The following HEPHL1 variants were observed in gnomAD, a reference collection of about 807,000 sequenced individuals.
HEPHL1 encodes ferroxidase HEPHL1.
In HEPHL1, 123 loss-of-function variants were observed where a neutral mutation model predicts 122.0. The ratio of observed to expected loss-of-function variants is 1.01; its 90% CI spans 0.87 to 1.17. HEPHL1 has a LOEUF of 1.17. Ranked by LOEUF, HEPHL1 falls within the 50% of genes most tolerant of loss-of-function variation. The pLI is 0.00. For synonymous variants in HEPHL1, 527 were observed against 508.9 expected (o/e 1.04, Z -0.48); for missense variants, 1,452 against 1,430.5 (o/e 1.01, Z -0.24).
At chr11:94,104,455 A>G in intron 15 of HEPHL1, 73 bp from the exon 16 acceptor site, 1 of 1,033,628 alleles carries the variant, frequency 9.7e-7, no homozygotes, top group Non-Finnish European at 1.5e-6. Flanking sequence ...CTACACTAGA[A>G]TGGTGGCAGG....
intron 15 of HEPHL1, among the ~76,000 whole-genome samples, chr11:94,103,683 C>T (rs774588544): frequency 1.8e-4 from 28 of 152,180 alleles, no homozygotes; most frequent in Admixed American, 2.0e-4. Context: ...AACCAAAGTC[C>T]AATCTAAAGT....
intron 2 of HEPHL1, chr11:94,055,496 G>GTGGC: frequency 4.2e-6 from 1 of 237,338 alleles, no homozygotes; most frequent in Admixed American, 5.0e-5. Flanking sequence ...GAGCTCAAAG[G>GTGGC]TGGCTGCTTG....
intron 2 of HEPHL1, among the ~76,000 whole-genome samples, chr11:94,050,583 A>G (rs1306680577): frequency 6.6e-6 from 1 of 152,112 alleles, no homozygotes; most frequent in Non-Finnish European, 1.5e-5. Flanking sequence ...AGATATTTTG[A>G]TACAAGCATG....
chr11:94,069,841 T>C (rs1204319839), intron 5 of HEPHL1, among the ~76,000 whole-genome samples: 2 of 152,198 alleles, frequency 1.3e-5, no homozygotes, highest in Non-Finnish European at 2.9e-5. Flanking sequence ...TCAAAGAGTA[T>C]GATTTTTTTA....
intron 1 of HEPHL1, among the ~76,000 whole-genome samples, chr11:94,026,393 A>G (rs186858920): frequency 1.3e-5 from 2 of 152,202 alleles, no homozygotes; most frequent in East Asian, 3.9e-4. Flanking sequence ...GATAGAATTT[A>G]CCTCTGACAC....
At chr11:94,036,406 C>T (rs1945723663) in intron 1 of HEPHL1, among the ~76,000 whole-genome samples, 4 of 152,142 alleles carry the variant, frequency 2.6e-5, no homozygotes, top group East Asian at 1.9e-4. Context: ...CAAAGAGGAT[C>T]GCTGTGCCCT....
At position 94,101,317 on chromosome 11, in the gene HEPHL1, G is replaced by A; in HGVS notation, c.2557G>A (p.Val853Met). 1 of 1,613,252 alleles carries A rather than the reference G, an allele frequency of 6.2e-7. No homozygotes were observed. The highest frequency in any genetic ancestry group is 8.5e-7 in the Non-Finnish European group (1 of 1,179,516). Residue 853 changes from valine (V) to methionine (M), a missense_variant, in exon 14 of 20, where the codon GTG becomes ATG. Coordinates refer to ENST00000315765, the MANE Select transcript of HEPHL1 (RefSeq NM_001098672.2). The part of the protein sequence containing the change: ...EEMDSGKQFQ[V>M]PMTKPGEVKT... ...GATGGATAGTGGAAAGCAATTCCAA[G>A]TGCCCATGACAAAACCAGGTAAGTT...
At chr11:94,028,909 T>A (rs1202338940) in intron 1 of HEPHL1, among the ~76,000 whole-genome samples, 1 of 152,182 alleles carries the variant, frequency 6.6e-6, no homozygotes, top group East Asian at 1.9e-4. Flanking sequence ...ATGTTCTCAA[T>A]GGGTGGTTTG....
intron 9 of HEPHL1, among the ~76,000 whole-genome samples, chr11:94,081,313 A>G (rs912751762): frequency 1.3e-5 from 2 of 152,156 alleles, no homozygotes; most frequent in African/African-American, 4.8e-5. Flanking sequence ...TGGAGGGAGG[A>G]AGAGCATCAA....
At position 94,102,994 on chromosome 11, in the gene HEPHL1, T is replaced by C; in HGVS notation, c.2656T>C (p.Tyr886His). ...TGATCCCAATTGTATTCCATGGGTT[T>C]ACTATTCAACAGTAAACTTTGTGAA... ...PSDPNCIPWVYYSTVNFVKDT... is the reference protein window; with the variant it reads ...PSDPNCIPWVHYSTVNFVKDT... The change falls in exon 15 of 20, where the codon TAC becomes CAC. Residue 886 changes from tyrosine to histidine, a missense_variant. Physicochemically the swap from Tyr to His is moderately conservative, Grantham distance 83 (BLOSUM62 2). Coordinates refer to ENST00000315765, the MANE Select transcript of HEPHL1 (RefSeq NM_001098672.2). 6.2e-7 allele frequency: 1 copy of C among 1,604,528 alleles called. No homozygotes were observed. The highest frequency in any genetic ancestry group is 8.5e-7 in the Non-Finnish European group (1 of 1,171,330).
rs116777228 is a variant in HEPHL1, at chr11:94,050,999, T to C, written c.415+5082T>C. ...ATTGTTGCAAATTCTTTCTTGTGGCTGAATAGTACTCCATTGTGTATATGT... is the reference window on the plus strand; with the variant it reads ...ATTGTTGCAAATTCTTTCTTGTGGCCGAATAGTACTCCATTGTGTATATGT... On this transcript the variant is annotated intron_variant, in intron 2 of 19. Transcript: ENST00000315765. Among the ~76,000 whole-genome samples, 787 of 152,292 alleles carry C rather than the reference T, an allele frequency of 5.2e-3. 8 individuals are homozygous for C. The highest frequency in any genetic ancestry group is 0.018 in the African/African-American group (728 of 41,552).
intron 6 of HEPHL1, among the ~76,000 whole-genome samples, chr11:94,072,586 A>G (rs984333353): frequency 6.6e-6 from 1 of 152,096 alleles, no homozygotes; most frequent in Non-Finnish European, 1.5e-5. Flanking sequence ...ACACTATTTG[A>G]TTAACTAGAC....
chr11:94,098,112 G>C (rs1034122482), intron 13 of HEPHL1, among the ~76,000 whole-genome samples: 6 of 151,986 alleles, frequency 3.9e-5, no homozygotes, highest in Non-Finnish European at 8.8e-5. Flanking sequence ...TCCTAGCATC[G>C]ATGATCTTTA....
intron 2 of HEPHL1, among the ~76,000 whole-genome samples, chr11:94,062,822 A>G (rs1945997573): frequency 1.3e-5 from 2 of 152,108 alleles, no homozygotes; most frequent in Non-Finnish European, 2.9e-5. Context: ...ATCATGTGCC[A>G]TCTTGGTTTA....
intron 1 of HEPHL1, 94 bp downstream of exon 1, chr11:94,021,632 G>A (rs552479114): frequency 5.4e-5 from 53 of 976,696 alleles, no homozygotes; most frequent in African/African-American, 1.1e-4. Flanking sequence ...TTACAATGGG[G>A]GTGAGTTGAT....
Position 94,088,767 on chromosome 11 carries a change from T to A in HEPHL1, c.2093T>A (p.Val698Glu), listed in dbSNP as rs1289445239. ...MQPDHAGIFR[V>E]FCATMPHLSR... ...ATTTCTCTTGCAGGTATTTTTAGGG[T>A]GTTTTGTGCCACCATGCCCCACCTC... is the stretch of plus-strand genomic sequence containing the variant. Residue 698 changes from valine (V) to glutamate (E), a missense_variant, in exon 12 of 20, where the codon GTG becomes GAG. Coordinates refer to ENST00000315765, the MANE Select transcript of HEPHL1 (RefSeq NM_001098672.2). The A allele has an allele frequency of 6.2e-7, 1 of 1,612,858 alleles. No individual in the cohort carries two copies. The highest frequency in any genetic ancestry group is 1.7e-5 in the Admixed American group (1 of 59,952).
chr11:94,104,431 G>A (rs535976894), intron 15 of HEPHL1, 97 bp from the exon 16 acceptor site: 4 of 776,136 alleles, frequency 5.2e-6, no homozygotes, highest in African/African-American at 3.5e-5. Context: ...AGTCCAGGGT[G>A]AGGTATTATG....
intron 1 of HEPHL1, among the ~76,000 whole-genome samples, chr11:94,024,570 T>C (rs1333590967): frequency 1.3e-5 from 2 of 152,140 alleles, no homozygotes; most frequent in Non-Finnish European, 2.9e-5. Context: ...TCTTTATTTT[T>C]CTTTCTCCAT....
chr11:94,021,695 G>C (rs1945583800), intron 1 of HEPHL1, among the ~76,000 whole-genome samples, 157 bp downstream of exon 1: 1 of 152,160 alleles, frequency 6.6e-6, no homozygotes, highest in Non-Finnish European at 1.5e-5. Flanking sequence ...TAGTATGGAT[G>C]GGTGTGTAAT....
Sources: gnomAD v4.1 joint callset for allele counts (sites outside exome capture counted in the v4.1 genomes callset) on GRCh38, gnomAD v4.1.1 for gene constraint, MANE v1.5 for transcripts, NCBI Gene and HGNC (gene_info 2026-07-23, HGNC 2026-07-21) for gene names.